The following YY1AP1 variants were observed in gnomAD, a reference collection of about 807,000 sequenced individuals.
The protein encoded by YY1AP1 is YY1 associated protein 1.
A neutral mutation model predicts 39.9 loss-of-function variants in YY1AP1; 43 were observed. The observed-to-expected ratio is 1.08, with a 90% CI of 0.84 to 1.39. The LOEUF (loss-of-function observed/expected upper bound fraction) is 1.39, where lower values mean the gene tolerates loss of function less well. YY1AP1 is among the 40% of genes most tolerant of loss of function. YY1AP1 has a pLI of 0.00. For synonymous variants in YY1AP1, 292 were observed against 331.3 expected, an observed-to-expected ratio of 0.88 and a Z score of 1.29; for missense variants, 813 against 900.7, an observed-to-expected ratio of 0.90 and a Z score of 1.25.
intron 9 of YY1AP1, among the ~76,000 whole-genome samples, chr1:155,665,823 A>G: frequency 6.6e-6 from 1 of 151,680 alleles, no homozygotes; most frequent in South Asian, 2.1e-4. Context: ...ATGCAAAAGC[A>G]AAGATGTGGA....
intron 5 of YY1AP1, among the ~76,000 whole-genome samples, chr1:155,676,039 C>A (rs557791603): frequency 6.6e-6 from 1 of 152,098 alleles, no homozygotes; most frequent in South Asian, 2.1e-4. Context: ...CTGGCTAACA[C>A]AGTGAACCCT....
chr1:155,688,472 G>A, intron 1 of YY1AP1, 187 bp downstream of exon 1: 4 of 1,549,714 alleles, frequency 2.6e-6, no homozygotes, highest in Non-Finnish European at 3.5e-6. Context: ...CATGTAGCGC[G>A]CACGTCAGCC....
In YY1AP1 at chr1:155,672,681, G is replaced by A; in HGVS notation, c.462C>T (p.Tyr154=). The A allele has an allele frequency of 6.2e-7, 1 of 1,614,218 alleles. No homozygotes were observed. Among genetic ancestry groups the A allele is most frequent in the South Asian group, 1.1e-5 (1 of 91,082 alleles). ...GGAACAGGGTCTGAAACTTGGGGTT[G>A]TACTGATGGTGAAGGGCGATGGAGC... ...AQSSIALHHQ[Y]NPKFQTLFQP... is the part of the protein sequence containing the mutation. The change falls in exon 7 of 11, where the codon TAC becomes TAT. Residue 154 remains tyrosine (Y), a synonymous_variant. Transcript: ENST00000355499.
rs1571307301 is a variant in YY1AP1, at chr1:155,660,485, C to T, written c.1425G>A (p.Glu475=). The change falls in exon 11 of 11, where the codon GAG becomes GAA. Residue 475 remains glutamate (E), a synonymous_variant. Transcript: ENST00000355499. ...GCAGTGCTGCAGGAGACTCAAAACT[C>T]TCACCTCCACTGACCCCCAGTGGAG... ...GVPPLGVSGG[E]SFESPAALPA... 1.9e-6 allele frequency: 3 copies of T among 1,614,174 alleles called. No individual in the cohort carries two copies. The South Asian group carries it at 3.3e-5, about 18-fold the overall frequency.
At chr1:155,676,783 C>T (rs1460639258) in intron 4 of YY1AP1, 37 bp from the exon 5 acceptor site, 2 of 1,599,324 alleles carry the variant, frequency 1.3e-6, no homozygotes, top group African/African-American at 2.7e-5. Flanking sequence ...TGAGTGTTTT[C>T]CTAGGTCCAC....
intron 4 of YY1AP1, among the ~76,000 whole-genome samples, chr1:155,678,921 T>C (rs492669): frequency 0.081 from 12,357 of 152,258 alleles, 1,769 homozygotes; most frequent in African/African-American, 0.28. Context: ...TTCTGGATGC[T>C]GTAACACAAG....
At chr1:155,673,158 G>A (rs926602734) in intron 6 of YY1AP1, among the ~76,000 whole-genome samples, 2 of 151,898 alleles carry the variant, frequency 1.3e-5, no homozygotes, top group Non-Finnish European at 2.9e-5. Context: ...TGGGACTATA[G>A]GCATACACCT....
At chr1:155,683,876 T>A (rs991409142) in intron 2 of YY1AP1, among the ~76,000 whole-genome samples, 4 of 151,900 alleles carry the variant, frequency 2.6e-5, no homozygotes, top group Admixed American at 2.6e-4. Context: ...CTGGCTCACA[T>A]CTGTAATCCC....
At chr1:155,686,531 C>A (rs1200637765) in intron 2 of YY1AP1, among the ~76,000 whole-genome samples, 5 of 152,070 alleles carry the variant, frequency 3.3e-5, no homozygotes, top group Non-Finnish European at 7.4e-5. Context: ...TGCATCCAGG[C>A]TATTTACAGA....
Position 155,660,003 on chromosome 1 carries a change from T to A in YY1AP1, c.1907A>T (p.His636Leu), listed in dbSNP as rs756306553. ...AGCACAAGCAATGTCCACATTCATG[T>A]GGGCCTTATCTTCAGGGGTGGATGG... ...PIPSTPEDKA[H>L]MNVDIACAVA... The change falls in exon 11 of 11, where the codon CAC (histidine) becomes CTC (leucine). Residue 636 changes from histidine (H) to leucine (L), a missense_variant. By Grantham distance (99) the His-to-Leu change is moderately conservative. Transcript: ENST00000355499. 6.2e-7 allele frequency: 1 copy of A among 1,614,220 alleles called. No homozygotes were observed. The highest frequency in any genetic ancestry group is 1.7e-5 in the Admixed American group (1 of 60,024).
At chr1:155,684,030 T>G (rs1230001106) in intron 2 of YY1AP1, among the ~76,000 whole-genome samples, 1 of 152,124 alleles carries the variant, frequency 6.6e-6, no homozygotes, top group Non-Finnish European at 1.5e-5. Flanking sequence ...GCTGGAGAAC[T>G]TGAGGTTAGG....
intron 2 of YY1AP1, among the ~76,000 whole-genome samples, chr1:155,683,659 A>C (rs570607856): frequency 4.7e-4 from 72 of 152,194 alleles, no homozygotes; most frequent in South Asian, 1.7e-3. Flanking sequence ...CCATCTCAAA[A>C]AAAACAAAAC....
At position 155,662,815 on chromosome 1, in the gene YY1AP1, A is replaced by C. The variant is rs151140083; in HGVS notation, c.880-1392T>G. On this transcript the variant is annotated intron_variant, in intron 9 of 10. Transcript: ENST00000355499. ...CAGGAGTTCATGACCAGCCTGGCCA[A>C]CATGGCGAAACCCTGTCTCTAATAA... 5.8e-3 allele frequency among the ~76,000 whole-genome samples: 889 copies of C among 152,180 alleles called. 12 individuals carry two copies. Among genetic ancestry groups the C allele is most frequent in the African/African-American group, 0.021 (869 of 41,514 alleles).
Position 155,676,647 on chromosome 1 carries a change from C to G in YY1AP1, c.225G>C (p.Gln75His), listed in dbSNP as rs375078184. 231 of 1,614,072 alleles carry G rather than the reference C, an allele frequency of 1.4e-4. No individual in the cohort carries two copies. Among genetic ancestry groups the G allele is most frequent in the Non-Finnish European group, 1.8e-4 (211 of 1,180,038 alleles). The stretch of plus-strand genomic sequence containing the variant: ...GGGGTTTAACCTTCTCTACCTCCTT[C>G]TGCTGTTTGGCTGAAGGTTTCTTCA... The part of the protein sequence containing the change: ...LKMKKPSAKQ[Q>H]KEVEKVKPQC... The change falls in exon 5 of 11, where the codon CAG becomes CAC. Residue 75 changes from glutamine (Q) to histidine (H), a missense_variant. Coordinates refer to ENST00000355499, the MANE Select transcript of YY1AP1 (RefSeq NM_139119.3).
intron 2 of YY1AP1, among the ~76,000 whole-genome samples, chr1:155,682,358 G>A (rs763852664): frequency 1.3e-5 from 2 of 151,936 alleles, no homozygotes; most frequent in African/African-American, 2.4e-5. Flanking sequence ...TAAAATGAGC[G>A]TTCTGATCTC....
At position 155,688,137 on chromosome 1, in the gene YY1AP1, T is replaced by C; in HGVS notation, c.-87A>G. On this transcript the variant is annotated 5_prime_UTR_variant, in exon 2 of 11. Transcript: ENST00000355499. ...GAAGAGGGGGTGGCCGCCAGGCTCC[T>C]CCGCTTCCCTGGGTCCACCGCGGAT... 5 of 1,612,874 alleles carry C rather than the reference T, an allele frequency of 3.1e-6. No homozygotes were observed. Among genetic ancestry groups the C allele is most frequent in the Non-Finnish European group, 4.2e-6 (5 of 1,179,136 alleles).
At chr1:155,667,985 C>T (rs564250953) in intron 9 of YY1AP1, among the ~76,000 whole-genome samples, 1 of 151,750 alleles carries the variant, frequency 6.6e-6, no homozygotes, top group African/African-American at 2.4e-5. Context: ...CACATACATG[C>T]ATACATACAA....
chr1:155,660,958 G>T (rs756479229), intron 10 of YY1AP1, 45 bp from the exon 11 acceptor site: 1 of 1,613,094 alleles, frequency 6.2e-7, no homozygotes, highest in Non-Finnish European at 8.5e-7. Flanking sequence ...GTCAGAATTT[G>T]GGAAAAAGAA....
At chr1:155,675,640 T>C (rs1434677255) in intron 5 of YY1AP1, among the ~76,000 whole-genome samples, 1 of 151,586 alleles carries the variant, frequency 6.6e-6, no homozygotes, top group Non-Finnish European at 1.5e-5. Flanking sequence ...TTATTTTTTG[T>C]AGAGACAGAG....
Sources: gnomAD v4.1 joint callset for allele counts (sites outside exome capture counted in the v4.1 genomes callset) on GRCh38, gnomAD v4.1.1 for gene constraint, MANE v1.5 for transcripts, NCBI Gene and HGNC (gene_info 2026-07-23, HGNC 2026-07-21) for gene names.